AK9: variants seen among roughly 807,000 people sequenced by gnomAD.
AK9 encodes adenylate kinase 9.
In AK9, 191 loss-of-function variants were observed where a neutral mutation model predicts 239.6. The observed-to-expected ratio is 0.80, with a 90% CI of 0.71 to 0.90. The LOEUF is 0.90. Among genes scored for constraint, AK9 ranks in the 40% least tolerant of loss-of-function variants. AK9 has a pLI of 0.00. For missense variants in AK9, 1,995 were observed against 2,214.7 expected, an observed-to-expected ratio of 0.90 and a Z score of 1.99; for synonymous variants, 689 against 721.0, an observed-to-expected ratio of 0.96 and a Z score of 0.71.
chr6:109,685,212 A>C (rs928396818), intron 1 of AK9, among the ~76,000 whole-genome samples: 1 of 152,190 alleles, frequency 6.6e-6, no homozygotes, highest in African/African-American at 2.4e-5. Flanking sequence ...CATTTGACCC[A>C]GTAATCTCAT....
intron 3 of AK9, among the ~76,000 whole-genome samples, chr6:109,672,859 G>A (rs1390554182): frequency 1.2e-4 from 18 of 152,116 alleles, no homozygotes; most frequent in Non-Finnish European, 1.5e-5. Flanking sequence ...GTATGCACTG[G>A]TATTAATTAA....
chr6:109,632,908 T>TAGAC lies in AK9; in HGVS notation c.1254+14_1254+15insGTCT, dbSNP rs762659429. Reference sequence around the variant, plus strand: ...ATAGATAGATAGATAGATAGACAGATAGTTAGTTAGTCACCTTTCCTTTGT... The same window carrying TAGAC: ...ATAGATAGATAGATAGATAGACAGATAGACAGTTAGTTAGTCACCTTTCCTTTGT... On this transcript the variant is annotated intron_variant, in intron 12 of 40. Coordinates refer to ENST00000424296, the MANE Select transcript of AK9 (RefSeq NM_001145128.3). 201 of 1,551,590 alleles carry TAGAC rather than the reference T, an allele frequency of 1.3e-4. No individual in the cohort carries two copies. The highest frequency in any genetic ancestry group is 5.1e-4 in the Middle Eastern group (3 of 5,906).
intron 8 of AK9, among the ~76,000 whole-genome samples, chr6:109,645,052 A>ACTAG (rs1797871578): frequency 6.6e-6 from 1 of 152,248 alleles, no homozygotes; most frequent in Non-Finnish European, 1.5e-5. Flanking sequence ...TCACATAGAT[A>ACTAG]CTAGCATCAT....
intron 19 of AK9, among the ~76,000 whole-genome samples, chr6:109,582,504 T>A (rs1165946023): frequency 6.6e-6 from 1 of 152,162 alleles, no homozygotes; most frequent in Admixed American, 6.5e-5. Context: ...GTAGTGAAAA[T>A]AGCAAGATAA....
intron 27 of AK9, among the ~76,000 whole-genome samples, chr6:109,540,294 C>T (rs960677345): frequency 3.9e-5 from 6 of 152,198 alleles, no homozygotes; most frequent in African/African-American, 1.4e-4. Context: ...ACTGCAGCCT[C>T]AGCAATGGTG....
At chr6:109,543,716 G>A (rs560062517) in intron 26 of AK9, among the ~76,000 whole-genome samples, 1 of 152,154 alleles carries the variant, frequency 6.6e-6, no homozygotes, top group East Asian at 2.0e-4. Flanking sequence ...CCAAAGTGCT[G>A]GGATTACAGG....
intron 8 of AK9, among the ~76,000 whole-genome samples, chr6:109,648,137 G>C (rs1160115200): frequency 2.0e-5 from 3 of 152,014 alleles, no homozygotes; most frequent in Admixed American, 6.6e-5. Context: ...AGAGAAAGCA[G>C]GCAAGATCTA....
At chr6:109,545,574 C>T (rs956122443) in intron 26 of AK9, among the ~76,000 whole-genome samples, 1 of 152,192 alleles carries the variant, frequency 6.6e-6, no homozygotes, top group African/African-American at 2.4e-5. Context: ...TCCTCCTTGC[C>T]TTCTGCCATG....
At chr6:109,668,181 T>G (rs192554589) in intron 5 of AK9, among the ~76,000 whole-genome samples, 1 of 152,350 alleles carries the variant, frequency 6.6e-6, no homozygotes, top group Admixed American at 6.5e-5. Context: ...ATGTGTCTGT[T>G]GGCTGCAGAA....
intron 16 of AK9, among the ~76,000 whole-genome samples, chr6:109,611,501 T>A (rs1158455100): frequency 6.6e-6 from 1 of 152,158 alleles, no homozygotes; most frequent in East Asian, 1.9e-4. Flanking sequence ...AAAAACTATA[T>A]CTCTCAACTT....
intron 20 of AK9, among the ~76,000 whole-genome samples, chr6:109,578,105 A>T (rs1420961657): frequency 6.6e-6 from 1 of 150,530 alleles, no homozygotes; most frequent in African/African-American, 2.4e-5. Context: ...CTAATTTTTT[A>T]AAAATTTTTA....
intron 35 of AK9, 99 bp downstream of exon 35, chr6:109,506,228 C>T: frequency 9.3e-7 from 1 of 1,078,210 alleles, no homozygotes; most frequent in African/African-American, 1.6e-5. Context: ...TAAGTCACGC[C>T]TGACTCATGT....
chr6:109,595,245 A>G (rs1032595914), intron 17 of AK9, among the ~76,000 whole-genome samples: 1 of 152,258 alleles, frequency 6.6e-6, no homozygotes, highest in Non-Finnish European at 1.5e-5. Flanking sequence ...GCCAACAAAC[A>G]TACGAAAAAA....
chr6:109,552,283 C>T (rs898815617), intron 24 of AK9, among the ~76,000 whole-genome samples: 2 of 152,328 alleles, frequency 1.3e-5, no homozygotes, highest in African/African-American at 4.8e-5. Context: ...AATCGCCACA[C>T]TGTGTTTCAA....
chr6:109,610,287 A>T, intron 17 of AK9, 78 bp downstream of exon 17: 1 of 1,451,898 alleles, frequency 6.9e-7, no homozygotes. Context: ...ACTCTAAAAT[A>T]ATTACACACA....
chr6:109,562,160 A>G (rs1246303981), intron 24 of AK9, among the ~76,000 whole-genome samples: 1 of 152,204 alleles, frequency 6.6e-6, no homozygotes, highest in African/African-American at 2.4e-5. Context: ...AGCATTCTGT[A>G]TAATAGGCTG....
At chr6:109,507,026 TG>T (rs1778185898) in intron 33 of AK9, among the ~76,000 whole-genome samples, 1 of 152,126 alleles carries the variant, frequency 6.6e-6, no homozygotes, top group Non-Finnish European at 1.5e-5. Context: ...GTTCAGAAGG[TG>T]GGCGTAGGAG....
At chr6:109,526,566 G>C (rs889450753) in intron 29 of AK9, among the ~76,000 whole-genome samples, 1 of 152,044 alleles carries the variant, frequency 6.6e-6, no homozygotes, top group Non-Finnish European at 1.5e-5. Context: ...TGTGCCAGGA[G>C]AGCGATGGAT....
intron 17 of AK9, among the ~76,000 whole-genome samples, chr6:109,606,253 A>AATAGATAGATAG (rs57376541): frequency 3.6e-4 from 53 of 148,244 alleles, no homozygotes; most frequent in East Asian, 8.0e-4. Context: ...ATCACTTGTG[A>AATAGATAGATAG]ATAGATAGAT....
Sources: allele counts gnomAD v4.1 joint callset (sites outside exome capture counted in the v4.1 genomes callset), GRCh38; gene constraint gnomAD v4.1.1; transcripts MANE v1.5; gene names NCBI Gene and HGNC (gene_info 2026-07-23, HGNC 2026-07-21).